The following RPS6KC1 variants were observed in gnomAD, a reference collection of about 807,000 sequenced individuals.
RPS6KC1 encodes ribosomal protein S6 kinase C1.
In RPS6KC1, 54 loss-of-function variants were observed where a neutral mutation model predicts 103.8. The ratio of observed to expected loss-of-function variants is 0.52; its 90% confidence interval spans 0.42 to 0.65. RPS6KC1 has a LOEUF of 0.65. RPS6KC1 is among the 30% of genes least tolerant of loss of function. RPS6KC1 has a pLI of 0.00. For synonymous variants in RPS6KC1, 439 were observed against 438.7 expected (o/e 1.00, Z -0.01); for missense variants, 1,151 against 1,253.8 (o/e 0.92, Z 1.24).
the RPS6KC1 span, among the ~76,000 whole-genome samples, chr1:213,694,189 C>G: frequency 6.6e-6 from 1 of 152,188 alleles, no homozygotes; most frequent in Non-Finnish European, 1.5e-5. Context: ...GCCTCTGCTC[C>G]CACTGACTTT....
At chr1:213,712,157 T>G in the RPS6KC1 span, among the ~76,000 whole-genome samples, 37 of 152,092 alleles carry the variant, frequency 2.4e-4, no homozygotes, top group Non-Finnish European at 1.5e-5. Flanking sequence ...AAGATGGGAG[T>G]TTTATCTATA....
the RPS6KC1 span, among the ~76,000 whole-genome samples, chr1:213,843,019 A>G: frequency 7.9e-5 from 12 of 152,202 alleles, no homozygotes; most frequent in Non-Finnish European, 1.6e-4. Flanking sequence ...AGTAGAGGAC[A>G]AGAGGCTGGA....
At chr1:213,735,414 C>A in the RPS6KC1 span, among the ~76,000 whole-genome samples, 1 of 152,324 alleles carries the variant, frequency 6.6e-6, no homozygotes, top group East Asian at 1.9e-4. Context: ...CACAGGTGGG[C>A]ATATTAGACT....
At chr1:213,261,205 C>CA (rs1285228386) in intron 12 of RPS6KC1, among the ~76,000 whole-genome samples, 11 of 151,442 alleles carry the variant, frequency 7.3e-5, no homozygotes, top group Admixed American at 1.3e-4. Context: ...ATTTCTACAA[C>CA]AAAAAAATCA....
At chr1:213,255,577 T>TCC (rs1184751068) in intron 12 of RPS6KC1, among the ~76,000 whole-genome samples, 4 of 152,206 alleles carry the variant, frequency 2.6e-5, no homozygotes, top group Admixed American at 2.0e-4. Context: ...ATTTTTTATA[T>TCC]AGAGTTTGCA....
the RPS6KC1 span, among the ~76,000 whole-genome samples, chr1:213,289,253 CAAAAAAAA>C: frequency 3.9e-5 from 3 of 77,096 alleles, no homozygotes; most frequent in African/African-American, 5.2e-5. Context: ...GTTGGATGCT[CAAAAAAAA>C]AAAAAAAAAA....
intron 8 of RPS6KC1, among the ~76,000 whole-genome samples, chr1:213,183,972 A>G (rs894094894): frequency 1.3e-5 from 2 of 152,172 alleles, no homozygotes; most frequent in Non-Finnish European, 2.9e-5. Flanking sequence ...ACAAGGGAAT[A>G]CTACAAACAG....
the RPS6KC1 span, among the ~76,000 whole-genome samples, chr1:213,282,480 G>A: frequency 1.3e-5 from 2 of 152,334 alleles, no homozygotes; most frequent in South Asian, 2.1e-4. Context: ...GGCACAGGGA[G>A]TGCATGATAA....
downstream of RPS6KC1, among the ~76,000 whole-genome samples, chr1:213,279,596 A>G (rs2095118769): frequency 6.6e-6 from 1 of 152,118 alleles, no homozygotes. Flanking sequence ...CTATTTGGAT[A>G]GTGTTCTGAT....
the RPS6KC1 span, among the ~76,000 whole-genome samples, chr1:213,363,723 TTTCG>T: frequency 3.2e-3 from 405 of 126,566 alleles, 86 homozygotes; most frequent in African/African-American, 0.011. Context: ...TCTTTCTTTC[TTTCG>T]TTCTTTCTTT....
At chr1:213,095,115 T>A (rs371498581) in intron 3 of RPS6KC1, among the ~76,000 whole-genome samples, 4 of 152,138 alleles carry the variant, frequency 2.6e-5, no homozygotes, top group African/African-American at 7.2e-5. Flanking sequence ...TCTGATACCC[T>A]CTTGGTGAAA....
the RPS6KC1 span, among the ~76,000 whole-genome samples, chr1:213,549,181 A>T: frequency 6.6e-6 from 1 of 152,116 alleles, no homozygotes; most frequent in Non-Finnish European, 1.5e-5. Flanking sequence ...GGTGCAGTGA[A>T]TCCAAAACTG....
the RPS6KC1 span, among the ~76,000 whole-genome samples, chr1:213,787,139 G>A: frequency 5.4e-5 from 8 of 147,442 alleles, no homozygotes; most frequent in African/African-American, 2.0e-4. Flanking sequence ...GTGTTTCCTC[G>A]TCTGTTTATT....
At chr1:213,272,423 G>A in intron 14 of RPS6KC1, 101 bp from the exon 15 acceptor site, 4 of 856,048 alleles carry the variant, frequency 4.7e-6, no homozygotes, top group Non-Finnish European at 7.7e-6. Flanking sequence ...AAGACTGCTT[G>A]TTACCAGGGT....
chr1:213,057,545 T>G (rs1487833776), intron 1 of RPS6KC1, among the ~76,000 whole-genome samples: 1 of 152,120 alleles, frequency 6.6e-6, no homozygotes, highest in Admixed American at 6.5e-5. Context: ...TACTTTTGTC[T>G]TTTTGAGAAT....
intron 10 of RPS6KC1, among the ~76,000 whole-genome samples, chr1:213,232,763 G>A (rs2094133715): frequency 6.6e-6 from 1 of 152,198 alleles, no homozygotes; most frequent in African/African-American, 2.4e-5. Flanking sequence ...GTACAAAGCA[G>A]AGGCACAGTT....
At chr1:213,178,090 G>C (rs1389911490) in intron 8 of RPS6KC1, among the ~76,000 whole-genome samples, 1 of 151,474 alleles carries the variant, frequency 6.6e-6, no homozygotes, top group Non-Finnish European at 1.5e-5. Flanking sequence ...GAGGCTGAGG[G>C]GAAAGGATCC....
chr1:213,465,927 C>A, the RPS6KC1 span, among the ~76,000 whole-genome samples: 6 of 152,206 alleles, frequency 3.9e-5, no homozygotes, highest in Middle Eastern at 6.8e-3. Flanking sequence ...ATACCGAGGT[C>A]GTGCCTTAGA....
At chr1:213,153,147 C>G (rs2089434835) in intron 6 of RPS6KC1, among the ~76,000 whole-genome samples, 1 of 152,072 alleles carries the variant, frequency 6.6e-6, no homozygotes, top group African/African-American at 2.4e-5. Flanking sequence ...GAGAGTCAGG[C>G]AGGGAGGTTG....
Sources: gnomAD v4.1 joint callset for allele counts (sites outside exome capture counted in the v4.1 genomes callset) on GRCh38, gnomAD v4.1.1 for gene constraint, MANE v1.5 for transcripts, NCBI Gene and HGNC (gene_info 2026-07-23, HGNC 2026-07-21) for gene names.